Variants in STXBP4 observed in about 807,000 individuals in gnomAD.
STXBP4 encodes syntaxin binding protein 4.
A neutral mutation model predicts 76.1 loss-of-function variants in STXBP4; 55 were observed. The ratio of observed to expected loss-of-function variants is 0.72; its 90% CI spans 0.58 to 0.91. The LOEUF is 0.91. STXBP4 is among the 40% of genes least tolerant of loss of function. The probability of loss-of-function intolerance (pLI) is 0.00; values close to 1 mark genes in which losing one functional copy is unlikely to be tolerated. For missense variants in STXBP4, 618 were observed against 636.9 expected (o/e 0.97, Z 0.32); for synonymous variants, 201 against 220.2 (o/e 0.91, Z 0.77).
In STXBP4 at chr17:55,170,423, C is replaced by T. The variant is rs2080399762; in HGVS notation, c.*10512C>T. 6.6e-6 allele frequency: 1 copy of T among 151,738 alleles called. No homozygotes were observed. Among genetic ancestry groups the T allele is most frequent in the Non-Finnish European group, 1.5e-5 (1 of 67,940 alleles). 9.4% of individuals were successfully genotyped at this position (151,738 alleles called of 1,614,324 possible). On this transcript the variant is annotated 3_prime_UTR_variant, in exon 18 of 18. Transcript: ENST00000376352. ...ACCAACAGTATTGTATATATAAACA[C>T]CATAGAAGATCTGAAAAAAAATTAG... is the stretch of plus-strand genomic sequence containing the variant.
intron 16 of STXBP4, among the ~76,000 whole-genome samples, chr17:55,082,809 C>T (rs777323330): frequency 2.6e-5 from 4 of 151,616 alleles, no homozygotes; most frequent in Non-Finnish European, 5.9e-5. Flanking sequence ...CAGGGAGATT[C>T]TGAAGAGAGA....
intron 12 of STXBP4, among the ~76,000 whole-genome samples, chr17:55,050,106 A>G (rs2078841111): frequency 1.3e-5 from 2 of 152,144 alleles, no homozygotes; most frequent in South Asian, 4.1e-4. Context: ...AAAAGAAAAA[A>G]TAAAACTGTC....
At chr17:54,993,823 A>G (rs890904948) in intron 4 of STXBP4, among the ~76,000 whole-genome samples, 11 of 152,214 alleles carry the variant, frequency 7.2e-5, no homozygotes, top group African/African-American at 2.7e-4. Flanking sequence ...ATAATGTTTC[A>G]TAATTAACAG....
At chr17:55,096,338 TG>T (rs1457942627) in intron 16 of STXBP4, among the ~76,000 whole-genome samples, 1 of 152,090 alleles carries the variant, frequency 6.6e-6, no homozygotes, top group Admixed American at 6.5e-5. Flanking sequence ...TGGTATTTTT[TG>T]TAGAGATGGG....
intron 12 of STXBP4, among the ~76,000 whole-genome samples, chr17:55,062,982 T>G (rs1281197352): frequency 6.6e-6 from 1 of 152,242 alleles, no homozygotes; most frequent in African/African-American, 2.4e-5. Context: ...AGAAACTTAT[T>G]AAACAAACTT....
intron 12 of STXBP4, among the ~76,000 whole-genome samples, chr17:55,063,329 A>G (rs543316527): frequency 1.2e-4 from 18 of 152,368 alleles, no homozygotes; most frequent in African/African-American, 4.1e-4. Flanking sequence ...TATTTATAAT[A>G]TAGAACTCAA....
intron 8 of STXBP4, among the ~76,000 whole-genome samples, chr17:55,012,188 G>A (rs2078127861): frequency 6.6e-6 from 1 of 152,144 alleles, no homozygotes; most frequent in African/African-American, 2.4e-5. Flanking sequence ...ACTTCACAGT[G>A]CACCATTGGT....
intron 16 of STXBP4, among the ~76,000 whole-genome samples, chr17:55,103,120 A>C (rs1444986690): frequency 6.6e-6 from 1 of 151,976 alleles, no homozygotes; most frequent in African/African-American, 2.4e-5. Context: ...GCTGTGCAGA[A>C]GCTCTTTAGT....
At chr17:55,090,687 A>G (rs557131134) in intron 16 of STXBP4, among the ~76,000 whole-genome samples, 3 of 152,330 alleles carry the variant, frequency 2.0e-5, no homozygotes, top group South Asian at 4.1e-4. Context: ...ACATATACAT[A>G]TAAATATATG....
At chr17:55,035,436 G>A (rs1203620155) in intron 10 of STXBP4, among the ~76,000 whole-genome samples, 1 of 151,260 alleles carries the variant, frequency 6.6e-6, no homozygotes, top group Non-Finnish European at 1.5e-5. Context: ...TTCTCTGTTA[G>A]CTCTTATTTC....
At chr17:55,040,245 A>G (rs954614819) in intron 10 of STXBP4, among the ~76,000 whole-genome samples, 28 of 152,294 alleles carry the variant, frequency 1.8e-4, no homozygotes, top group African/African-American at 6.5e-4. Flanking sequence ...TAGCAGTTTT[A>G]TTGGTGAAAT....
intron 7 of STXBP4, among the ~76,000 whole-genome samples, chr17:55,006,823 T>C (rs2078016558): frequency 6.6e-6 from 1 of 152,210 alleles, no homozygotes; most frequent in South Asian, 2.1e-4. Context: ...ACTTCCAGAA[T>C]ACACATCACA....
In STXBP4 at chr17:55,168,814, C is replaced by T. The variant is rs187758159; in HGVS notation, c.*8903C>T. The T allele has an allele frequency of 3.7e-4, 56 of 152,196 alleles. No individual in the cohort carries two copies. The highest frequency in any genetic ancestry group is 1.3e-3 in the African/African-American group (52 of 41,542). The allele number at this position is 152,196 out of a possible 1,614,324, so 9.4% of individuals were successfully genotyped here. The stretch of plus-strand genomic sequence containing the variant: ...CTACTGCAGTCTCTGAGATTTTTTT[C>T]CCTGTCTTAGACATCCATTCTACAA... On this transcript the variant is annotated 3_prime_UTR_variant, in exon 18 of 18. Coordinates refer to ENST00000376352, the MANE Select transcript of STXBP4 (RefSeq NM_178509.6).
At chr17:55,072,670 A>G (rs1157699735) in intron 12 of STXBP4, among the ~76,000 whole-genome samples, 1 of 152,182 alleles carries the variant, frequency 6.6e-6, no homozygotes, top group Non-Finnish European at 1.5e-5. Context: ...TATGCTAGGT[A>G]TATGAAGTCA....
chr17:55,180,096 CT>C, the STXBP4 span, among the ~76,000 whole-genome samples: 4 of 152,176 alleles, frequency 2.6e-5, no homozygotes, highest in African/African-American at 9.7e-5. Flanking sequence ...GCTTTGTTAC[CT>C]TGAGCTAAAT....
At chr17:55,123,658 T>TG (rs2079872361) in intron 16 of STXBP4, among the ~76,000 whole-genome samples, 1 of 152,122 alleles carries the variant, frequency 6.6e-6, no homozygotes, top group Non-Finnish European at 1.5e-5. Context: ...CCCAGCACTT[T>TG]GGGAGGCTGA....
At chr17:55,138,754 T>C (rs2080062977) in intron 16 of STXBP4, among the ~76,000 whole-genome samples, 1 of 152,138 alleles carries the variant, frequency 6.6e-6, no homozygotes, top group South Asian at 2.1e-4. Context: ...AAATCACTTA[T>C]TATGAAGAAA....
At chr17:55,119,134 C>A (rs2079815963) in intron 16 of STXBP4, among the ~76,000 whole-genome samples, 1 of 151,936 alleles carries the variant, frequency 6.6e-6, no homozygotes, top group African/African-American at 2.4e-5. Flanking sequence ...CCAACTCATC[C>A]ATTCTCGCTA....
chr17:54,994,637 C>T (rs1434268860), intron 4 of STXBP4, among the ~76,000 whole-genome samples: 1 of 152,108 alleles, frequency 6.6e-6, no homozygotes, highest in East Asian at 1.9e-4. Context: ...TCAGTAGCAT[C>T]GTTTGTTCTT....
Sources: gnomAD v4.1 joint callset for allele counts (sites outside exome capture counted in the v4.1 genomes callset) on GRCh38, gnomAD v4.1.1 for gene constraint, MANE v1.5 for transcripts, NCBI Gene and HGNC (gene_info 2026-07-23, HGNC 2026-07-21) for gene names.